SNTG1: variants seen among roughly 807,000 people sequenced by gnomAD.
SNTG1 encodes the protein gamma-1-syntrophin.
In SNTG1, 39 loss-of-function variants were observed where a neutral mutation model predicts 74.7. The ratio of observed to expected loss-of-function variants is 0.52; its 90% CI spans 0.40 to 0.68. The LOEUF is 0.68. SNTG1 is among the 30% of genes least tolerant of loss of function. The pLI is 0.00. For missense variants in SNTG1, 685 were observed against 609.5 expected (o/e 1.12, Z -1.30); for synonymous variants, 254 against 217.1 (o/e 1.17, Z -1.49).
At chr8:50,628,312 T>A (rs1161712018) in intron 13 of SNTG1, among the ~76,000 whole-genome samples, 1 of 152,190 alleles carries the variant, frequency 6.6e-6, no homozygotes, top group Non-Finnish European at 1.5e-5. Flanking sequence ...CGGAATTGAT[T>A]TTTCCAATTT....
rs80060745 is a variant in SNTG1 at position 50,382,306 on chromosome 8, A to T, written c.-27-11906A>T. On this transcript the variant is annotated intron_variant, in intron 2 of 18. Coordinates refer to ENST00000642720, the MANE Select transcript of SNTG1 (RefSeq NM_018967.5). Reference sequence around the variant, plus strand: ...TTCCTTATAGTTTTTATAGTATAACATAGAAATATCTAGTATATATTATAT... The same window carrying T: ...TTCCTTATAGTTTTTATAGTATAACTTAGAAATATCTAGTATATATTATAT... 5.4e-3 allele frequency: 828 copies of T among 152,276 alleles called. 5 individuals carry two copies. Among genetic ancestry groups the T allele is most frequent in the African/African-American group, 0.019 (792 of 41,546 alleles). 9.4% of individuals were successfully genotyped at this position (152,276 alleles called of 1,614,324 possible). A position where few individuals can be genotyped will look rare whatever the true frequency, so the allele number is the denominator to read the frequency against.
chr8:50,460,045 C>A (rs550731600), intron 8 of SNTG1, among the ~76,000 whole-genome samples: 7 of 152,230 alleles, frequency 4.6e-5, no homozygotes, highest in African/African-American at 1.7e-4. Context: ...GAATGCTGAG[C>A]CAAATGGTAG....
At chr8:49,929,464 C>G (rs186146540) in intron 1 of SNTG1, among the ~76,000 whole-genome samples, 1 of 152,202 alleles carries the variant, frequency 6.6e-6, no homozygotes, top group Non-Finnish European at 1.5e-5. Flanking sequence ...GTCATAGCAA[C>G]GATGCAACTT....
intron 1 of SNTG1, among the ~76,000 whole-genome samples, chr8:50,080,253 A>G (rs1822284096): frequency 6.6e-6 from 1 of 152,060 alleles, no homozygotes; most frequent in Non-Finnish European, 1.5e-5. Context: ...CTTAAAATCT[A>G]TTTTGTCTGT....
intron 2 of SNTG1, among the ~76,000 whole-genome samples, chr8:50,263,854 G>A (rs13439837): frequency 0.016 from 2,401 of 152,262 alleles, 61 homozygotes; most frequent in African/African-American, 0.052. Flanking sequence ...ACAGACATGT[G>A]TAGAACACTT....
intron 1 of SNTG1, among the ~76,000 whole-genome samples, chr8:49,926,329 T>G (rs556216847): frequency 1.3e-5 from 2 of 152,218 alleles, no homozygotes; most frequent in South Asian, 4.1e-4. Flanking sequence ...AAGTATAATT[T>G]TTTTACAATT....
intron 18 of SNTG1, among the ~76,000 whole-genome samples, chr8:50,785,843 T>C (rs866247201): frequency 6.6e-6 from 1 of 151,998 alleles, no homozygotes; most frequent in African/African-American, 2.4e-5. Flanking sequence ...ATCCCTGGAA[T>C]GTATGGTAGA....
chr8:50,222,495 G>C lies in SNTG1; in HGVS notation c.-28+49860G>C, dbSNP rs564239124. ...ATTTTTTGGTGTGTTGGGAATCATTGAATTCTTCTTTTCTAACTCTCTGAA... is the reference window on the plus strand; with the variant it reads ...ATTTTTTGGTGTGTTGGGAATCATTCAATTCTTCTTTTCTAACTCTCTGAA... On this transcript the variant is annotated intron_variant, in intron 2 of 18. Transcript: ENST00000642720. Among the ~76,000 whole-genome samples the C allele has an allele frequency of 2.6e-3, 393 of 152,252 alleles. 2 individuals are homozygous for C. The highest frequency in any genetic ancestry group is 0.012 in the South Asian group (59 of 4,820).
chr8:50,522,923 T>C (rs1326347584), intron 9 of SNTG1, among the ~76,000 whole-genome samples: 1 of 152,180 alleles, frequency 6.6e-6, no homozygotes, highest in Non-Finnish European at 1.5e-5. Flanking sequence ...CTTCTTCTAA[T>C]ATGAGGCTAT....
chr8:50,619,611 G>A (rs1460869566), intron 13 of SNTG1, among the ~76,000 whole-genome samples: 1 of 151,790 alleles, frequency 6.6e-6, no homozygotes, highest in Admixed American at 6.6e-5. Flanking sequence ...GGCGCCTGTA[G>A]TCCCAGCTAC....
chr8:50,128,393 T>G (rs1402465673), intron 1 of SNTG1, among the ~76,000 whole-genome samples: 3 of 152,168 alleles, frequency 2.0e-5, no homozygotes, highest in Non-Finnish European at 4.4e-5. Flanking sequence ...AGAAAGAGCC[T>G]GTAGAAATTT....
At chr8:50,659,324 A>G (rs1287047847) in intron 15 of SNTG1, among the ~76,000 whole-genome samples, 1 of 152,142 alleles carries the variant, frequency 6.6e-6, no homozygotes, top group South Asian at 2.1e-4. Flanking sequence ...ATATATATTC[A>G]CTTTCTACTT....
At chr8:50,245,798 T>C (rs978629050) in intron 2 of SNTG1, among the ~76,000 whole-genome samples, 1 of 152,168 alleles carries the variant, frequency 6.6e-6, no homozygotes, top group Non-Finnish European at 1.5e-5. Context: ...TCAACTTTCT[T>C]ATATGTCAGT....
intron 2 of SNTG1, among the ~76,000 whole-genome samples, chr8:50,214,743 A>G (rs1416777370): frequency 6.6e-6 from 1 of 152,150 alleles, no homozygotes; most frequent in African/African-American, 2.4e-5. Flanking sequence ...GGCCTTTTCA[A>G]TTGTCCACCC....
intron 1 of SNTG1, among the ~76,000 whole-genome samples, chr8:50,157,281 G>A (rs1429002546): frequency 1.3e-5 from 2 of 152,090 alleles, no homozygotes; most frequent in African/African-American, 4.8e-5. Context: ...TCAGAAGAGT[G>A]ACTGTGCCTG....
intron 9 of SNTG1, among the ~76,000 whole-genome samples, chr8:50,514,065 A>G (rs560260148): frequency 6.6e-5 from 10 of 152,262 alleles, no homozygotes; most frequent in African/African-American, 2.2e-4. Context: ...TCCCCCTGCA[A>G]TATTTCACTT....
chr8:50,205,728 T>A (rs925861832), intron 2 of SNTG1, among the ~76,000 whole-genome samples: 1 of 152,248 alleles, frequency 6.6e-6, no homozygotes, highest in African/African-American at 2.4e-5. Context: ...TTAATCCATC[T>A]TGAATTAATT....
At chr8:50,461,418 CA>C (rs1279039875) in intron 8 of SNTG1, among the ~76,000 whole-genome samples, 1 of 152,002 alleles carries the variant, frequency 6.6e-6, no homozygotes, top group Non-Finnish European at 1.5e-5. Context: ...TCACTATACC[CA>C]ATGCCAATTA....
chr8:50,704,988 A>T (rs2095438661), intron 16 of SNTG1, among the ~76,000 whole-genome samples: 1 of 152,206 alleles, frequency 6.6e-6, no homozygotes, highest in Non-Finnish European at 1.5e-5. Flanking sequence ...TTAAAAATAT[A>T]TTTCTAATTT....
Sources: gnomAD v4.1 joint callset for allele counts (sites outside exome capture counted in the v4.1 genomes callset) on GRCh38, gnomAD v4.1.1 for gene constraint, MANE v1.5 for transcripts, NCBI Gene and HGNC (gene_info 2026-07-23, HGNC 2026-07-21) for gene names.